The following MDM2 variants were observed in gnomAD, a reference collection of about 807,000 sequenced individuals.
MDM2 encodes MDM2 proto-oncogene.
MDM2 carries 11 observed loss-of-function variants against 64.3 expected under a neutral mutation model. That is an observed-to-expected ratio of 0.17 (90% confidence interval 0.11 to 0.28). The LOEUF (loss-of-function observed/expected upper bound fraction) is 0.28, where lower values mean the gene tolerates loss of function less well. Ranked by LOEUF, MDM2 falls within the 10% of genes least tolerant of loss-of-function variation. MDM2 has a pLI of 1.00. For synonymous variants in MDM2, 194 were observed against 192.9 expected, an observed-to-expected ratio of 1.01 and a Z score of -0.05; for missense variants, 388 against 577.1, an observed-to-expected ratio of 0.67 and a Z score of 3.36.
At chr12:68,836,030 A>G (rs1046513302) in intron 9 of MDM2, 46 bp downstream of exon 9, 2 of 1,445,902 alleles carry the variant, frequency 1.4e-6, no homozygotes, top group Non-Finnish European at 1.9e-6. Context: ...ATTATTAAAT[A>G]TTTTCTATGT....
intron 2 of MDM2, among the ~76,000 whole-genome samples, chr12:68,810,398 C>T (rs917731614): frequency 6.6e-6 from 1 of 151,928 alleles, no homozygotes; most frequent in African/African-American, 2.4e-5. Context: ...TGGTAACTTG[C>T]TCACCAAAAG....
chr12:68,828,684 C>G (rs1795481), intron 7 of MDM2, 87 bp from the exon 8 acceptor site: 445,857 of 1,157,962 alleles, frequency 0.39, 89,843 homozygotes, highest in Non-Finnish European at 0.42. Flanking sequence ...TTTATTGAAA[C>G]TAAGTTTCTG....
rs138844063 is a variant in MDM2 at position 68,843,295 on chromosome 12, TGAGA to T, written c.*3464_*3467del. ...AGTACTAATCCCTTTGGCCATTTAT[TGAGA>T]GAGAGAGAGAGAGAGAGTAGGGTGA... On this transcript the variant is annotated 3_prime_UTR_variant, in exon 11 of 11. Transcript: ENST00000258149. 0.053 allele frequency: 11,616 copies of T among 218,394 alleles called. 1,332 individuals are homozygous for T. Among genetic ancestry groups the T allele is most frequent in the African/African-American group, 0.25 (10,812 of 44,084 alleles). The allele number at this position is 218,394 out of a possible 1,614,324, so 13.5% of individuals were successfully genotyped here.
At chr12:68,824,286 G>C in intron 5 of MDM2, 77 bp from the exon 6 acceptor site, 2 of 967,302 alleles carry the variant, frequency 2.1e-6, no homozygotes, top group Non-Finnish European at 3.2e-6. Context: ...GTGTTAGACT[G>C]ATAGCATATC....
intron 7 of MDM2, among the ~76,000 whole-genome samples, chr12:68,826,883 C>A (rs976696509): frequency 6.6e-6 from 1 of 151,546 alleles, no homozygotes; most frequent in Non-Finnish European, 1.5e-5. Flanking sequence ...CTCGATAAAA[C>A]GTAAAAATCC....
At chr12:68,831,258 CAGAG>C (rs1040536496) in intron 8 of MDM2, among the ~76,000 whole-genome samples, 3 of 152,152 alleles carry the variant, frequency 2.0e-5, no homozygotes, top group South Asian at 2.1e-4. Context: ...CTTACACAGA[CAGAG>C]GGAGGGGGGC....
Position 68,824,927 on chromosome 12 carries a change from GTGGCTCACGCC to G in MDM2, c.523+290_523+300del, listed in dbSNP as rs531139532. 6.8e-4 allele frequency among the ~76,000 whole-genome samples: 103 copies of G among 152,292 alleles called. 1 individual carries two copies. Among genetic ancestry groups the G allele is most frequent in the South Asian group, 4.4e-3 (21 of 4,824 alleles). On this transcript the variant is annotated intron_variant, in intron 7 of 10. Coordinates refer to ENST00000258149, the MANE Select transcript of MDM2 (RefSeq NM_002392.6). ...GATAGTAGGAGGTGGCTGGGGTGTG[GTGGCTCACGCC>G]TGGCTCACGCCTGTAATCCCGGCAC...
At chr12:68,821,426 T>G (rs1826735254) in intron 5 of MDM2, among the ~76,000 whole-genome samples, 1 of 152,248 alleles carries the variant, frequency 6.6e-6, no homozygotes, top group Admixed American at 6.5e-5. Flanking sequence ...GAACTACAGT[T>G]AAGAAATGCT....
chr12:68,816,291 G>T (rs1289766776), intron 3 of MDM2, among the ~76,000 whole-genome samples: 1 of 149,538 alleles, frequency 6.7e-6, no homozygotes, highest in African/African-American at 2.5e-5. Flanking sequence ...ACATTTTAAG[G>T]TTTGCTTAAG....
At position 68,809,273 on chromosome 12, in the gene MDM2, C is replaced by T; in HGVS notation, c.80C>T (p.Ala27Val). The part of the protein sequence containing the change: ...DGAVTTSQIP[A>V]SEQETLVRPK... ...GCTGTAACCACCTCACAGATTCCAG[C>T]TTCGGAACAAGAGACCCTGGTTAGT... is the stretch of plus-strand genomic sequence containing the variant. Residue 27 changes from alanine (A) to valine (V), a missense_variant, in exon 2 of 11, where the codon GCT (alanine) becomes GTT (valine). Around this residue, in one of 5 missense-constraint regions of MDM2, gnomAD observed 46 missense variants for 45.2 expected, o/e 1.02. Transcript: ENST00000258149. The T allele has an allele frequency of 2.5e-6, 4 of 1,614,058 alleles. No homozygotes were observed. The highest frequency in any genetic ancestry group is 2.2e-5 in the East Asian group (1 of 44,884).
In MDM2 at chr12:68,831,203, C is replaced by T. The variant is rs189132291; in HGVS notation, c.684+2272C>T. 1.0e-3 allele frequency among the ~76,000 whole-genome samples: 159 copies of T among 152,096 alleles called. 1 individual carries two copies. Among genetic ancestry groups the T allele is most frequent in the African/African-American group, 2.9e-3 (121 of 41,478 alleles). ...CGTGGAGTGGTTTTAAGGAGCAGAG[C>T]GTTTAATAGGCAAGAAGGGAGAAGG... is the stretch of plus-strand genomic sequence containing the variant. On this transcript the variant is annotated intron_variant, in intron 8 of 10. Transcript: ENST00000258149.
In MDM2 at chr12:68,808,451, C is replaced by T; in HGVS notation, c.-27C>T. 1 of 1,614,002 alleles carries T rather than the reference C, an allele frequency of 6.2e-7. No homozygotes were observed. Among genetic ancestry groups the T allele is most frequent in the African/African-American group, 1.3e-5 (1 of 75,024 alleles). On this transcript the variant is annotated 5_prime_UTR_variant, in exon 1 of 11. Transcript: ENST00000258149. The stretch of plus-strand genomic sequence containing the variant: ...AGGAAACTGGGGAGTCTTGAGGGAC[C>T]CCCGACTCCAAGCGCGAAAACCCCG...
chr12:68,808,704 C>T (rs543172919), intron 1 of MDM2, among the ~76,000 whole-genome samples: 1 of 132,556 alleles, frequency 7.5e-6, no homozygotes, highest in African/African-American at 2.9e-5. Flanking sequence ...GGCGGGATTT[C>T]GGACGGCTCT....
At chr12:68,809,029 C>T (rs1376479074) in intron 1 of MDM2, 179 bp from the exon 2 acceptor site, 1 of 1,482,918 alleles carries the variant, frequency 6.7e-7, no homozygotes, top group Non-Finnish European at 8.9e-7. Flanking sequence ...TGTTCAGTGG[C>T]GATTGGAGGG....
chr12:68,838,025 ACT>A (rs1410467100), intron 10 of MDM2, among the ~76,000 whole-genome samples: 24 of 152,206 alleles, frequency 1.6e-4, no homozygotes, highest in African/African-American at 5.3e-4. Context: ...CTATTTTAAG[ACT>A]CAAATTATTT....
chr12:68,848,060 C>T (rs1334158852), downstream of MDM2: 1 of 152,086 alleles, frequency 6.6e-6, no homozygotes, highest in Non-Finnish European at 1.5e-5. Context: ...GCCCAGGAGT[C>T]CAATGTTACA....
chr12:68,848,566 G>C (rs1265695821), downstream of MDM2: 1 of 152,206 alleles, frequency 6.6e-6, no homozygotes, highest in Non-Finnish European at 1.5e-5. Flanking sequence ...AGTTGATATG[G>C]TGTCAGAATT....
chr12:68,827,469 C>T (rs148062219), intron 7 of MDM2, among the ~76,000 whole-genome samples: 1 of 152,162 alleles, frequency 6.6e-6, no homozygotes, highest in African/African-American at 2.4e-5. Context: ...GTAATTTTTA[C>T]TATATATGTT....
intron 6 of MDM2, 42 bp downstream of exon 6, chr12:68,824,472 C>A (rs1882135025): frequency 6.3e-7 from 1 of 1,597,006 alleles, no homozygotes; most frequent in South Asian, 1.1e-5. Context: ...ATATTATTTG[C>A]AAATTGGAAA....
Sources: gnomAD v4.1 joint callset for allele counts (sites outside exome capture counted in the v4.1 genomes callset) on GRCh38, gnomAD v4.1.1 for gene constraint, gnomAD v4.1.1 regional missense constraint, MANE v1.5 for transcripts, NCBI Gene and HGNC (gene_info 2026-07-23, HGNC 2026-07-21) for gene names.